The following ADGRB2 variants were observed in gnomAD, a reference collection of about 807,000 sequenced individuals.
ADGRB2 encodes adhesion G protein-coupled receptor B2.
A neutral mutation model predicts 178.7 loss-of-function variants in ADGRB2; 47 were observed. That is an observed-to-expected ratio of 0.26 (90% CI 0.21 to 0.34). ADGRB2 has a LOEUF of 0.34. Ranked by LOEUF, ADGRB2 falls within the 10% of genes least tolerant of loss-of-function variation. The pLI is 1.00. For synonymous variants in ADGRB2, 870 were observed against 912.4 expected (o/e 0.95, Z 0.84); for missense variants, 1,584 against 2,180.8 (o/e 0.73, Z 5.45).
Position 31,728,549 on chromosome 1 carries a change from A to T in ADGRB2, c.4416+49T>A, listed in dbSNP as rs79152195. Reference sequence around the variant, plus strand: ...TTTTAGGAGTGAGCCCTCCAGGGACAGACACCACAGCCAGATGTCCCACCG... The same window carrying T: ...TTTTAGGAGTGAGCCCTCCAGGGACTGACACCACAGCCAGATGTCCCACCG... On this transcript the variant is annotated intron_variant, in intron 30 of 32. Transcript: ENST00000373658. The surrounding 1 kb of genome is among the most constrained non-coding windows in gnomAD (Gnocchi z 6.7). 2.7e-3 allele frequency: 4,398 copies of T among 1,612,726 alleles called. 95 individuals are homozygous for T. The African/African-American group carries it at 0.05, about 18-fold the overall frequency.
rs774814246 is a variant in ADGRB2, at chr1:31,735,839, G to T, written c.3255C>A (p.Ala1085=). The stretch of plus-strand genomic sequence containing the variant: ...AACGGGCACATACCAGGACAATGAC[G>T]GCTGCAGGGCCCACAAAGGCGTAGA... ...GLLYAFVGPA[A]VIVLVNMLIG... Residue 1085 remains alanine (A), a synonymous_variant, in exon 23 of 33, where the codon GCC becomes GCA. Coordinates refer to ENST00000373658, the MANE Select transcript of ADGRB2 (RefSeq NM_001364857.2). This position sits in a 1 kb window ranked among gnomAD's most constrained non-coding sequence, Gnocchi z 6.0. The T allele has an allele frequency of 3.1e-6, 5 of 1,609,388 alleles. No individual in the cohort carries two copies. The highest frequency in any genetic ancestry group is 1.7e-4 in the Middle Eastern group (1 of 6,056).
At chr1:31,736,764 C>A (rs777503384) in intron 20 of ADGRB2, 41 bp from the exon 21 acceptor site, 1 of 1,595,412 alleles carries the variant, frequency 6.3e-7, no homozygotes, top group South Asian at 1.1e-5. Context: ...CCTGAGCAGC[C>A]GCCAGGGCAG....
chr1:31,734,571 C>G (rs1047938929), intron 25 of ADGRB2, among the ~76,000 whole-genome samples: 1 of 152,180 alleles, frequency 6.6e-6, no homozygotes, highest in Non-Finnish European at 1.5e-5. Context: ...GATTTCCAGA[C>G]CTGGGTGGGA....
In ADGRB2 at chr1:31,733,252, G is replaced by T. The variant is rs1462365314; in HGVS notation, c.3453-109C>A. 3 of 1,251,968 alleles carry T rather than the reference G, an allele frequency of 2.4e-6. No homozygotes were observed. The highest frequency in any genetic ancestry group is 1.5e-5 in the African/African-American group (1 of 66,676). The allele number at this position is 1,251,968 out of a possible 1,614,324, so 77.6% of individuals were successfully genotyped here. A position where few individuals can be genotyped will look rare whatever the true frequency, so the allele number is the denominator to read the frequency against. ...TCTTCAGCTGCCCAAGACTGGGAGG[G>T]CCCCAAACCCCAGGGCCTCAGTAAT... On this transcript the variant is annotated intron_variant, in intron 25 of 32. Coordinates refer to ENST00000373658, the MANE Select transcript of ADGRB2 (RefSeq NM_001364857.2). This position sits in a 1 kb window ranked among gnomAD's most constrained non-coding sequence, Gnocchi z 4.3.
chr1:31,747,161 C>T (rs1287204043), intron 4 of ADGRB2, among the ~76,000 whole-genome samples: 2 of 152,118 alleles, frequency 1.3e-5, no homozygotes, highest in Non-Finnish European at 2.9e-5. Flanking sequence ...ACTCGTCCTC[C>T]CTTGAAGCAC....
chr1:31,742,639 C>T (rs1247913904), intron 7 of ADGRB2, among the ~76,000 whole-genome samples, 199 bp downstream of exon 7: 1 of 152,180 alleles, frequency 6.6e-6, no homozygotes. Context: ...GGTACTAACT[C>T]ATGTCAGGGC....
chr1:31,748,592 G>A (rs1358237570), intron 4 of ADGRB2, among the ~76,000 whole-genome samples: 1 of 152,256 alleles, frequency 6.6e-6, no homozygotes, highest in African/African-American at 2.4e-5. Context: ...ACAAGGAGGG[G>A]CCCCCAGAAG....
chr1:31,742,905 C>G lies in ADGRB2; in HGVS notation c.1185G>C (p.Gln395His). 3.2e-6 allele frequency: 5 copies of G among 1,542,180 alleles called. No individual in the cohort carries two copies. Among genetic ancestry groups the G allele is most frequent in the Non-Finnish European group, 4.4e-6 (5 of 1,143,364 alleles). ...RSRMRTCVPP[Q>H]HGGKACEGPE... ...GACCCTCGCAGGCCTTGCCGCCGTGCTGGGGGGGCACGCAGGTCCGCATCC... is the reference window on the plus strand; with the variant it reads ...GACCCTCGCAGGCCTTGCCGCCGTGGTGGGGGGGCACGCAGGTCCGCATCC... Residue 395 changes from glutamine (Q) to histidine (H), a missense_variant, in exon 7 of 33, where the codon CAG (glutamine) becomes CAC (histidine). Transcript: ENST00000373658.
At position 31,741,091 on chromosome 1, in the gene ADGRB2, C is replaced by G. The variant is rs1365051687; in HGVS notation, c.1794+282G>C. Among the ~76,000 whole-genome samples, 1 of 152,116 alleles carries G rather than the reference C, an allele frequency of 6.6e-6. No individual in the cohort carries two copies. Among genetic ancestry groups the G allele is most frequent in the African/African-American group, 2.4e-5 (1 of 41,400 alleles). ...ACACAAAAATAAATTCAAGGAGGCCCCAGTCTAGCAGCACACACAGACACT... is the reference window on the plus strand; with the variant it reads ...ACACAAAAATAAATTCAAGGAGGCCGCAGTCTAGCAGCACACACAGACACT... On this transcript the variant is annotated intron_variant, in intron 11 of 32. Transcript: ENST00000373658. The surrounding 1 kb of genome is among the most constrained non-coding windows in gnomAD (Gnocchi z 6.5).
At chr1:31,738,709 C>G in intron 16 of ADGRB2, 79 bp from the exon 17 acceptor site, 1 of 1,596,092 alleles carries the variant, frequency 6.3e-7, no homozygotes, top group Non-Finnish European at 8.6e-7. Flanking sequence ...ATGGGGGCCA[C>G]AGCAGCTCCC....
Position 31,738,573 on chromosome 1 carries a change from G to A in ADGRB2, c.2645+14C>T, listed in dbSNP as rs201087246. Reference sequence around the variant, plus strand: ...GCTGCTCCCTTCCTCACCCAGAGGAGCCACCCAACTCACGCTCTGGAGTAG... The same window carrying A: ...GCTGCTCCCTTCCTCACCCAGAGGAACCACCCAACTCACGCTCTGGAGTAG... On this transcript the variant is annotated intron_variant, in intron 17 of 32. Coordinates refer to ENST00000373658, the MANE Select transcript of ADGRB2 (RefSeq NM_001364857.2). The A allele has an allele frequency of 6.2e-7, 1 of 1,604,368 alleles. No individual in the cohort carries two copies. Among genetic ancestry groups the A allele is most frequent in the African/African-American group, 1.3e-5 (1 of 74,830 alleles).
Position 31,740,023 on chromosome 1 carries a change from G to A in ADGRB2, c.2070C>T (p.Gly690=), listed in dbSNP as rs1330275615. 2.5e-6 allele frequency: 4 copies of A among 1,614,084 alleles called. No individual in the cohort carries two copies. The highest frequency in any genetic ancestry group is 3.4e-6 in the Non-Finnish European group (4 of 1,180,038). The change falls in exon 14 of 33, where the codon GGC becomes GGT. Residue 690 remains glycine (G), a synonymous_variant. Coordinates refer to ENST00000373658, the MANE Select transcript of ADGRB2 (RefSeq NM_001364857.2). This position sits in a 1 kb window ranked among gnomAD's most constrained non-coding sequence, Gnocchi z 5.9. ...CCACGACACGGAGCAGGTGCACAGA[G>A]CCAGGGGACACCTGGGGACAGAAAG... is the stretch of plus-strand genomic sequence containing the variant. ...KWDDAQQVSP[G]SVHLLRVVED...
At position 31,738,128 on chromosome 1, in the gene ADGRB2, A is replaced by G. The variant is rs1172706823; in HGVS notation, c.2772+72T>C. 7 of 1,585,474 alleles carry G rather than the reference A, an allele frequency of 4.4e-6. No individual in the cohort carries two copies. In the Admixed American group the frequency reaches 5.2e-5, roughly 12 times the overall value. On this transcript the variant is annotated intron_variant, in intron 18 of 32. Coordinates refer to ENST00000373658, the MANE Select transcript of ADGRB2 (RefSeq NM_001364857.2). The stretch of plus-strand genomic sequence containing the variant: ...CAGGATCACCCAGGCGCCTGCCAAC[A>G]CCATCACTGATGGCTGCTGGAAGCC...
chr1:31,735,679 A>T lies in ADGRB2; in HGVS notation c.3268-14T>A, dbSNP rs375068549. The T allele has an allele frequency of 1.7e-4, 265 of 1,587,802 alleles. No homozygotes were observed. The highest frequency in any genetic ancestry group is 2.2e-4 in the Non-Finnish European group (256 of 1,162,972). On this transcript the variant is annotated splice_polypyrimidine_tract_variant and intron_variant, in intron 23 of 32. Coordinates refer to ENST00000373658, the MANE Select transcript of ADGRB2 (RefSeq NM_001364857.2). This position sits in a 1 kb window ranked among gnomAD's most constrained non-coding sequence, Gnocchi z 6.0. ...GAGCATGTTCACCTGGGGGCCCAGT[A>T]GAGTGGAGTGGGGGAGACAGGATCA... is the stretch of plus-strand genomic sequence containing the variant.
At chr1:31,736,460 C>A in intron 21 of ADGRB2, 70 bp from the exon 22 acceptor site, 1 of 1,605,436 alleles carries the variant, frequency 6.2e-7, no homozygotes, top group South Asian at 1.1e-5. Context: ...CCCAGACTCC[C>A]ATCCCAGCTG....
chr1:31,738,361 C>G (rs746419494), intron 17 of ADGRB2, 35 bp from the exon 18 acceptor site: 3 of 1,612,352 alleles, frequency 1.9e-6, no homozygotes, highest in Non-Finnish European at 2.5e-6. Context: ...AGCCCCAGGC[C>G]AGCTACGTGG....
In ADGRB2 at chr1:31,744,043, T is replaced by G. The variant is rs1646135602; in HGVS notation, c.1087+150A>C. 2.8e-6 allele frequency: 3 copies of G among 1,059,962 alleles called. No individual in the cohort carries two copies. The highest frequency in any genetic ancestry group is 3.2e-5 in the African/African-American group (2 of 61,778). The allele number at this position is 1,059,962 out of a possible 1,614,324, so 65.7% of individuals were successfully genotyped here. A position where few individuals can be genotyped will look rare whatever the true frequency, so the allele number is the denominator to read the frequency against. ...CCCAGTGCCCTGCACCGGGCTGGCA[T>G]GGTACGCAGAGTTGGGCATGGTGTG... On this transcript the variant is annotated intron_variant, in intron 6 of 32. Coordinates refer to ENST00000373658, the MANE Select transcript of ADGRB2 (RefSeq NM_001364857.2). This position sits in a 1 kb window ranked among gnomAD's most constrained non-coding sequence, Gnocchi z 6.7.
chr1:31,729,447 C>G (rs1645165286), intron 29 of ADGRB2, among the ~76,000 whole-genome samples: 1 of 152,212 alleles, frequency 6.6e-6, no homozygotes, highest in Non-Finnish European at 1.5e-5. Flanking sequence ...CCGCTGCCTA[C>G]CCTGGCTTCT....
intron 15 of ADGRB2, 43 bp downstream of exon 15, chr1:31,739,265 C>G: frequency 2.1e-6 from 3 of 1,439,744 alleles, no homozygotes; most frequent in Non-Finnish European, 2.7e-6. Flanking sequence ...CCTGGGCCTT[C>G]CTGGACCCTC....
Sources: allele counts gnomAD v4.1 joint callset (sites outside exome capture counted in the v4.1 genomes callset), GRCh38; gene constraint gnomAD v4.1.1; non-coding constraint Gnocchi (gnomAD v3.1); transcripts MANE v1.5; gene names NCBI Gene and HGNC (gene_info 2026-07-23, HGNC 2026-07-21).